The following KATNA1 variants were observed in gnomAD, a reference collection of about 807,000 sequenced individuals.
KATNA1 encodes the protein katanin catalytic subunit A1, also known as katanin p60 ATPase-containing subunit A1.
KATNA1 carries 42 observed loss-of-function variants against 62.6 expected under a neutral mutation model. The ratio of observed to expected loss-of-function variants is 0.67; its 90% CI spans 0.52 to 0.87. KATNA1 has a LOEUF of 0.87. Ranked by LOEUF, KATNA1 falls within the 40% of genes least tolerant of loss-of-function variation. The pLI is 0.00. For synonymous variants in KATNA1, 186 were observed against 201.9 expected, an observed-to-expected ratio of 0.92 and a Z score of 0.67; for missense variants, 498 against 612.5, an observed-to-expected ratio of 0.81 and a Z score of 1.97.
chr6:149,638,730 GTTTT>G lies in KATNA1; in HGVS notation c.-13-174_-13-171del, dbSNP rs1217719467. On this transcript the variant is annotated intron_variant, in intron 1 of 10. Coordinates refer to ENST00000367411, the MANE Select transcript of KATNA1 (RefSeq NM_007044.4). ...ATTTCACTCCTTTAAAAAAAACATT[GTTTT>G]TTTTTTTTTTTTTTTTTTTTGAGAC... 1.2e-3 allele frequency: 120 copies of G among 99,708 alleles called. 1 individual carries two copies. Among genetic ancestry groups the G allele is most frequent in the Middle Eastern group, 6.4e-3 (1 of 156 alleles). 6.2% of individuals were successfully genotyped at this position (99,708 alleles called of 1,614,324 possible).
intron 4 of KATNA1, among the ~76,000 whole-genome samples, chr6:149,612,453 G>A (rs1005051384): frequency 6.6e-6 from 1 of 152,144 alleles, no homozygotes; most frequent in Non-Finnish European, 1.5e-5. Context: ...AGGTTGCAGT[G>A]AGCCAAGATC....
At chr6:149,606,559 A>G (rs1367921846) in intron 4 of KATNA1, among the ~76,000 whole-genome samples, 5 of 152,022 alleles carry the variant, frequency 3.3e-5, no homozygotes, top group African/African-American at 1.2e-4. Flanking sequence ...CAGTTCCACA[A>G]TGTGTGTATT....
intron 10 of KATNA1, 121 bp downstream of exon 10, chr6:149,596,942 C>G (rs1308919871): frequency 1.1e-6 from 1 of 917,386 alleles, no homozygotes; most frequent in African/African-American, 1.7e-5. Flanking sequence ...TAAGCTGTGA[C>G]TGCGCCTCTA....
chr6:149,599,055 G>A (rs1316556052), intron 7 of KATNA1, among the ~76,000 whole-genome samples: 1 of 151,838 alleles, frequency 6.6e-6, no homozygotes, highest in Non-Finnish European at 1.5e-5. Context: ...GGTAGAGATG[G>A]TGTCTTATTA....
At chr6:149,618,388 C>A (rs1337837959) in intron 4 of KATNA1, among the ~76,000 whole-genome samples, 1 of 150,278 alleles carries the variant, frequency 6.7e-6, no homozygotes, top group Non-Finnish European at 1.5e-5. Flanking sequence ...TGAGCAGAGA[C>A]AATTGCTTGA....
intron 2 of KATNA1, 42 bp downstream of exon 2, chr6:149,638,344 A>G: frequency 6.3e-7 from 1 of 1,582,278 alleles, no homozygotes; most frequent in Non-Finnish European, 8.6e-7. Context: ...TTCTCTTCCG[A>G]GTACTTAAGC....
At chr6:149,624,507 G>A (rs11758260) in intron 3 of KATNA1, among the ~76,000 whole-genome samples, 2,360 of 151,694 alleles carry the variant, frequency 0.016, 28 homozygotes, top group Non-Finnish European at 0.021. Context: ...TCAGCCTCCC[G>A]AGTAGCAAGG....
intron 4 of KATNA1, among the ~76,000 whole-genome samples, chr6:149,614,394 C>G (rs531731399): frequency 8.5e-5 from 13 of 152,312 alleles, no homozygotes; most frequent in African/African-American, 3.1e-4. Context: ...CCCCCATCCC[C>G]TTCATTTTTC....
chr6:149,594,910 A>T lies in KATNA1; in HGVS notation c.*126T>A. 1.4e-6 allele frequency: 1 copy of T among 694,242 alleles called. No homozygotes were observed. The highest frequency in any genetic ancestry group is 4.1e-4 in the Middle Eastern group (1 of 2,412). 43.0% of individuals were successfully genotyped at this position (694,242 alleles called of 1,614,324 possible). On this transcript the variant is annotated 3_prime_UTR_variant, in exon 11 of 11. Transcript: ENST00000367411. ...AAATATTGCCTTTATTCAGAATCAT[A>T]AGGGTTTTTTTAAAAAAATCTTACC...
chr6:149,625,302 G>A (rs768863038), intron 3 of KATNA1, among the ~76,000 whole-genome samples: 17 of 152,124 alleles, frequency 1.1e-4, no homozygotes, highest in Middle Eastern at 3.2e-3. Flanking sequence ...TAGTTTAAGG[G>A]AGTAACAATG....
intron 4 of KATNA1, among the ~76,000 whole-genome samples, chr6:149,617,004 C>T (rs1779190906): frequency 6.6e-6 from 1 of 152,166 alleles, no homozygotes; most frequent in Admixed American, 6.5e-5. Context: ...TGACATACTA[C>T]AACATGGCAA....
At chr6:149,635,848 G>C (rs778753894) in intron 2 of KATNA1, among the ~76,000 whole-genome samples, 1 of 151,900 alleles carries the variant, frequency 6.6e-6, no homozygotes, top group Non-Finnish European at 1.5e-5. Context: ...CCTGAGGTCA[G>C]GAGTTTGAGA....
At chr6:149,612,403 T>C (rs1778995276) in intron 4 of KATNA1, among the ~76,000 whole-genome samples, 1 of 151,412 alleles carries the variant, frequency 6.6e-6, no homozygotes, top group African/African-American at 2.4e-5. Flanking sequence ...CAGCTACTCG[T>C]GAAGCTGAAG....
At chr6:149,612,302 G>A (rs1277320975) in intron 4 of KATNA1, among the ~76,000 whole-genome samples, 4 of 152,110 alleles carry the variant, frequency 2.6e-5, no homozygotes, top group South Asian at 2.1e-4. Context: ...GAGGTCAGGA[G>A]TTCAAGATCA....
At chr6:149,607,739 C>T (rs554267900) in intron 4 of KATNA1, among the ~76,000 whole-genome samples, 2 of 152,230 alleles carry the variant, frequency 1.3e-5, no homozygotes, top group East Asian at 1.9e-4. Flanking sequence ...TTCAGATAGA[C>T]GGATTAATCA....
At chr6:149,611,283 G>A (rs899456620) in intron 4 of KATNA1, among the ~76,000 whole-genome samples, 5 of 151,778 alleles carry the variant, frequency 3.3e-5, no homozygotes, top group African/African-American at 9.7e-5. Flanking sequence ...CCACCACAGC[G>A]AAACCCTGTC....
chr6:149,606,889 G>C (rs899019985), intron 4 of KATNA1, among the ~76,000 whole-genome samples: 35 of 152,028 alleles, frequency 2.3e-4, no homozygotes, highest in Admixed American at 2.2e-3. Context: ...CAAAGTGCTG[G>C]GATTACAGGG....
chr6:149,596,823 A>C (rs915619731), intron 10 of KATNA1, among the ~76,000 whole-genome samples: 1 of 152,052 alleles, frequency 6.6e-6, no homozygotes, highest in South Asian at 2.1e-4. Flanking sequence ...GGCCTCCCAA[A>C]GTGCTGAGAT....
chr6:149,637,510 A>G (rs1045107443), intron 2 of KATNA1, among the ~76,000 whole-genome samples: 1 of 152,128 alleles, frequency 6.6e-6, no homozygotes, highest in Non-Finnish European at 1.5e-5. Flanking sequence ...AAATCTGATC[A>G]AAAAATGTCA....
Sources: gnomAD v4.1 joint callset for allele counts (sites outside exome capture counted in the v4.1 genomes callset) on GRCh38, gnomAD v4.1.1 for gene constraint, MANE v1.5 for transcripts, NCBI Gene and HGNC (gene_info 2026-07-23, HGNC 2026-07-21) for gene names.